ZC3H14: variants seen among roughly 807,000 people sequenced by gnomAD.
ZC3H14 encodes zinc finger CCCH-type containing 14.
A neutral mutation model predicts 92.4 loss-of-function variants in ZC3H14; 31 were observed. That is an observed-to-expected ratio of 0.34 (90% CI 0.25 to 0.45). The LOEUF is 0.45. Ranked by LOEUF, ZC3H14 falls within the 20% of genes least tolerant of loss-of-function variation. The pLI is 1.00. For missense variants in ZC3H14, 781 were observed against 897.3 expected (o/e 0.87, Z 1.66); for synonymous variants, 321 against 300.9 (o/e 1.07, Z -0.69).
rs894922384 is a variant in ZC3H14 at position 88,563,041 on chromosome 14, G to T, written c.-93G>T. ...GGCCGGGGGCGGAACGGAGGAGGAG[G>T]CGGTGGTGTCCCGGCTGCGGGGTAG... On this transcript the variant is annotated 5_prime_UTR_variant, in exon 1 of 17. Coordinates refer to ENST00000251038, the MANE Select transcript of ZC3H14 (RefSeq NM_024824.5). 2.0e-6 allele frequency: 3 copies of T among 1,512,452 alleles called. No homozygotes were observed. The highest frequency in any genetic ancestry group is 1.8e-6 in the Non-Finnish European group (2 of 1,128,882). The allele number at this position is 1,512,452 out of a possible 1,614,324, so 93.7% of individuals were successfully genotyped here. A position where few individuals can be genotyped will look rare whatever the true frequency, so the allele number is the denominator to read the frequency against.
intron 9 of ZC3H14, among the ~76,000 whole-genome samples, chr14:88,583,614 T>G (rs1273098936): frequency 6.6e-6 from 1 of 152,172 alleles, no homozygotes; most frequent in Non-Finnish European, 1.5e-5. Context: ...TTGGAAGTGG[T>G]ATGTGTTTTT....
chr14:88,567,744 T>C (rs2079889332), intron 2 of ZC3H14: 1 of 394,690 alleles, frequency 2.5e-6, no homozygotes, highest in South Asian at 2.1e-5. Context: ...TCTTTGAAAT[T>C]AATAAGCATT....
intron 7 of ZC3H14, 118 bp downstream of exon 7, chr14:88,574,971 C>T: frequency 6.8e-7 from 1 of 1,464,090 alleles, no homozygotes. Flanking sequence ...GAGTCTCGCT[C>T]TGTCAACCAG....
At chr14:88,594,714 T>C (rs2083568792) in intron 9 of ZC3H14, 1 of 1,613,954 alleles carries the variant, frequency 6.2e-7, no homozygotes, top group African/African-American at 1.3e-5. Flanking sequence ...TCTTTGAGGT[T>C]CCTGTCACCT....
chr14:88,569,812 T>C (rs992827593), intron 3 of ZC3H14, among the ~76,000 whole-genome samples: 1 of 152,190 alleles, frequency 6.6e-6, no homozygotes, highest in African/African-American at 2.4e-5. Context: ...CTGCACAGAA[T>C]TCTCTGGGTT....
intron 9 of ZC3H14, among the ~76,000 whole-genome samples, chr14:88,581,659 T>A (rs2081925379): frequency 6.6e-6 from 1 of 152,164 alleles, no homozygotes; most frequent in African/African-American, 2.4e-5. Context: ...CTGGAATGGC[T>A]CAACATCCCA....
chr14:88,607,588 TCTC>T (rs2085666657), intron 13 of ZC3H14, among the ~76,000 whole-genome samples: 1 of 110,142 alleles, frequency 9.1e-6, no homozygotes, highest in African/African-American at 3.6e-5. Context: ...GCAAGTACCA[TCTC>T]CCCATCTCAC....
chr14:88,602,815 A>G lies in ZC3H14; in HGVS notation c.1515-13A>G, dbSNP rs1016184789. 9 of 1,613,374 alleles carry G rather than the reference A, an allele frequency of 5.6e-6. No individual in the cohort carries two copies. The highest frequency in any genetic ancestry group is 6.8e-6 in the Non-Finnish European group (8 of 1,179,536). ...TTTCCCTAATTCTATGGTATTTTTT[A>G]TCTGTCTGGCAGAGATCTTGTACAA... On this transcript the variant is annotated splice_polypyrimidine_tract_variant and intron_variant, in intron 11 of 16. Coordinates refer to ENST00000251038, the MANE Select transcript of ZC3H14 (RefSeq NM_024824.5).
chr14:88,596,243 C>T (rs1002968752), intron 9 of ZC3H14, among the ~76,000 whole-genome samples: 13 of 152,108 alleles, frequency 8.5e-5, no homozygotes, highest in Non-Finnish European at 1.6e-4. Flanking sequence ...GCATCGAAGC[C>T]CAGAGTTTGT....
At chr14:88,564,769 A>C (rs1270208320) in intron 2 of ZC3H14, among the ~76,000 whole-genome samples, 1 of 152,236 alleles carries the variant, frequency 6.6e-6, no homozygotes, top group Non-Finnish European at 1.5e-5. Flanking sequence ...GGGTTTACAA[A>C]ATATTTTTTA....
chr14:88,582,423 G>A (rs1001296488), intron 9 of ZC3H14, among the ~76,000 whole-genome samples: 7 of 152,232 alleles, frequency 4.6e-5, no homozygotes, highest in Non-Finnish European at 7.3e-5. Flanking sequence ...GAGAAATTGA[G>A]ATTAAAAGGC....
At chr14:88,582,219 A>T (rs1294298103) in intron 9 of ZC3H14, among the ~76,000 whole-genome samples, 2 of 152,248 alleles carry the variant, frequency 1.3e-5, no homozygotes, top group Non-Finnish European at 2.9e-5. Context: ...AGTGAAAACC[A>T]GTTGTTTTGT....
Position 88,602,065 on chromosome 14 carries a change from G to C in ZC3H14, c.1496G>C (p.Gly499Ala). The C allele has an allele frequency of 3.1e-6, 5 of 1,614,026 alleles. No individual in the cohort carries two copies. The highest frequency in any genetic ancestry group is 4.2e-6 in the Non-Finnish European group (5 of 1,179,940). ...GCAGATTCCCTTCGGGTACTTTCAG[G>C]ACACCTTATGCAGACACGGTAGATG... Reference protein sequence around the residue: ...KTADSLRVLSGHLMQTRDLVQ... With the variant: ...KTADSLRVLSAHLMQTRDLVQ... Residue 499 changes from glycine (G) to alanine (A), a missense_variant, in exon 11 of 17, where the codon GGA (glycine) becomes GCA (alanine). Physicochemically the swap from Gly to Ala is moderately conservative, Grantham distance 60. Coordinates refer to ENST00000251038, the MANE Select transcript of ZC3H14 (RefSeq NM_024824.5).
chr14:88,563,373 C>T (rs1013235305), intron 1 of ZC3H14: 9 of 1,441,390 alleles, frequency 6.2e-6, no homozygotes, highest in African/African-American at 4.4e-5. Flanking sequence ...CTGAAGTAGC[C>T]GCCGGGAAAT....
Position 88,627,173 on chromosome 14 carries a change from C to A in ZC3H14, c.*15422C>A. The A allele has an allele frequency of 1.2e-6, 1 of 825,982 alleles. No homozygotes were observed. The highest frequency in any genetic ancestry group is 1.6e-5 in the South Asian group (1 of 61,742). The allele number at this position is 825,982 out of a possible 1,614,324, so 51.2% of individuals were successfully genotyped here. On this transcript the variant is annotated 3_prime_UTR_variant, in exon 17 of 17. Transcript: ENST00000251038. Reference sequence around the variant, plus strand: ...AGAAGAGAGGCCAATGGCCCCTGCTCTACTACCTAGCAATACATGATTTAC... The same window carrying A: ...AGAAGAGAGGCCAATGGCCCCTGCTATACTACCTAGCAATACATGATTTAC...
intron 4 of ZC3H14, 97 bp from the exon 5 acceptor site, chr14:88,571,933 C>T (rs760616377): frequency 9.6e-7 from 1 of 1,040,572 alleles, no homozygotes; most frequent in Non-Finnish European, 1.3e-6. Context: ...CACTGCCCTC[C>T]AGCCTGGCGA....
intron 2 of ZC3H14, among the ~76,000 whole-genome samples, chr14:88,567,364 C>T (rs893526472): frequency 3.3e-5 from 5 of 151,006 alleles, no homozygotes; most frequent in African/African-American, 1.2e-4. Context: ...ATCTGCCCAC[C>T]TTGGCCTCCC....
Position 88,616,647 on chromosome 14 carries a change from A to C in ZC3H14, c.*4896A>C. 4 of 1,339,518 alleles carry C rather than the reference A, an allele frequency of 3.0e-6. No homozygotes were observed. Among genetic ancestry groups the C allele is most frequent in the Non-Finnish European group, 4.0e-6 (4 of 999,112 alleles). 83.0% of individuals were successfully genotyped at this position (1,339,518 alleles called of 1,614,324 possible). A position where few individuals can be genotyped will look rare whatever the true frequency, so the allele number is the denominator to read the frequency against. ...TTAGAAATTAGGACAAAACATTTTA[A>C]ATATATGGGGAAAAGTGCTGATGAT... On this transcript the variant is annotated 3_prime_UTR_variant, in exon 17 of 17. Transcript: ENST00000251038.
Position 88,619,034 on chromosome 14 carries a change from C to T in ZC3H14, c.*7283C>T, listed in dbSNP as rs1362841798. ...AAATTTTAAATATTTCCCCAATTGTCATCTCCCAATTCCTTTAAAAACGTC... is the reference window on the plus strand; with the variant it reads ...AAATTTTAAATATTTCCCCAATTGTTATCTCCCAATTCCTTTAAAAACGTC... On this transcript the variant is annotated 3_prime_UTR_variant, in exon 17 of 17. Transcript: ENST00000251038. 5.2e-6 allele frequency: 2 copies of T among 382,858 alleles called. No individual in the cohort carries two copies. Among genetic ancestry groups the T allele is most frequent in the Non-Finnish European group, 9.0e-6 (2 of 221,524 alleles). 23.7% of individuals were successfully genotyped at this position (382,858 alleles called of 1,614,324 possible).
Sources: gnomAD v4.1 joint callset for allele counts (sites outside exome capture counted in the v4.1 genomes callset) on GRCh38, gnomAD v4.1.1 for gene constraint, MANE v1.5 for transcripts, NCBI Gene and HGNC (gene_info 2026-07-23, HGNC 2026-07-21) for gene names.